The following RBM48 variants were observed in gnomAD, a reference collection of about 807,000 sequenced individuals.
The protein encoded by RBM48 is RNA binding motif protein 48.
Under a neutral mutation model 34.8 loss-of-function variants are expected in RBM48, and 32 were observed. The ratio of observed to expected loss-of-function variants is 0.92; its 90% CI spans 0.69 to 1.23. The LOEUF (loss-of-function observed/expected upper bound fraction) is 1.23. Ranked by LOEUF, RBM48 falls within the 50% of genes most tolerant of loss-of-function variation. The pLI, the probability that RBM48 is intolerant of heterozygous loss-of-function variation, is 0.00. For missense variants in RBM48, 441 were observed against 447.2 expected, an observed-to-expected ratio of 0.99 and a Z score of 0.12; for synonymous variants, 151 against 156.2, an observed-to-expected ratio of 0.97 and a Z score of 0.25.
chr7:92,536,798 A>T (rs1018506511), intron 4 of RBM48, 53 bp from the exon 5 acceptor site: 10 of 1,513,264 alleles, frequency 6.6e-6, no homozygotes, highest in Non-Finnish European at 8.8e-6. Flanking sequence ...TAGCTTATTT[A>T]CTCCTGTGCT....
In RBM48 at chr7:92,536,962, T is replaced by C. The variant is rs1793731785; in HGVS notation, c.*25T>C. ...GAGTGCCAGCAGCAACTTAGTATTT[T>C]CTAAAAAGAACATTTATTATTTATT... On this transcript the variant is annotated 3_prime_UTR_variant, in exon 5 of 5. Coordinates refer to ENST00000265732, the MANE Select transcript of RBM48 (RefSeq NM_032120.4). The C allele has an allele frequency of 2.7e-6, 4 of 1,471,794 alleles. No homozygotes were observed. Among genetic ancestry groups the C allele is most frequent in the Non-Finnish European group, 3.7e-6 (4 of 1,088,106 alleles). 91.2% of individuals were successfully genotyped at this position (1,471,794 alleles called of 1,614,324 possible). A position where few individuals can be genotyped will look rare whatever the true frequency, so the allele number is the denominator to read the frequency against.
rs1031642178 is a variant in RBM48 at position 92,538,323 on chromosome 7, T to C, written c.*1386T>C. Among the ~76,000 whole-genome samples, 1 of 152,158 alleles carries C rather than the reference T, an allele frequency of 6.6e-6. No homozygotes were observed. The highest frequency in any genetic ancestry group is 2.4e-5 in the African/African-American group (1 of 41,444). On this transcript the variant is annotated 3_prime_UTR_variant, in exon 5 of 5. Transcript: ENST00000265732. ...GAGCAAGTGATCTATAGGCAACACA[T>C]GGTTAGAGTTGGGGGGTTAATCTTT... is the stretch of plus-strand genomic sequence containing the variant.
chr7:92,531,396 G>A (rs1391555588), intron 2 of RBM48, among the ~76,000 whole-genome samples: 2 of 152,162 alleles, frequency 1.3e-5, no homozygotes, highest in Admixed American at 6.5e-5. Context: ...AGTATGCAGT[G>A]CCTTATCTAT....
chr7:92,532,221 T>C (rs1793591812), intron 2 of RBM48, among the ~76,000 whole-genome samples, 183 bp from the exon 3 acceptor site: 1 of 152,202 alleles, frequency 6.6e-6, no homozygotes, highest in Non-Finnish European at 1.5e-5. Context: ...TACGAGTACA[T>C]ACTCGATCAA....
intron 2 of RBM48, among the ~76,000 whole-genome samples, chr7:92,532,042 A>G (rs779505679): frequency 1.3e-5 from 2 of 152,182 alleles, no homozygotes; most frequent in African/African-American, 2.4e-5. Flanking sequence ...CATCACAGAA[A>G]TACATAGTGC....
At position 92,538,997 on chromosome 7, in the gene RBM48, GCAAAA is replaced by G. The variant is rs1376534472; in HGVS notation, c.*2071_*2075del. ...AAAGAAACCTTTGTGGTGTCAAGCA[GCAAAA>G]CAAAACAAAAAGATTCAAATTAAGT... On this transcript the variant is annotated 3_prime_UTR_variant, in exon 5 of 5. Transcript: ENST00000265732. Among the ~76,000 whole-genome samples, 1 of 152,288 alleles carries G rather than the reference GCAAAA, an allele frequency of 6.6e-6. No homozygotes were observed. The highest frequency in any genetic ancestry group is 2.4e-5 in the African/African-American group (1 of 41,556).
rs1267513362 is a variant in RBM48 at position 92,538,165 on chromosome 7, G to C, written c.*1228G>C. 1.3e-5 allele frequency among the ~76,000 whole-genome samples: 2 copies of C among 152,204 alleles called. No individual in the cohort carries two copies. The highest frequency in any genetic ancestry group is 6.5e-5 in the Admixed American group (1 of 15,282). ...CCCCGCAGACACCAGGTTATAGAAAGAAGAGGCTTTATTCGGCCAGGAGCG... is the reference window on the plus strand; with the variant it reads ...CCCCGCAGACACCAGGTTATAGAAACAAGAGGCTTTATTCGGCCAGGAGCG... On this transcript the variant is annotated 3_prime_UTR_variant, in exon 5 of 5. Coordinates refer to ENST00000265732, the MANE Select transcript of RBM48 (RefSeq NM_032120.4).
At chr7:92,529,963 G>C (rs1225865473) in intron 2 of RBM48, among the ~76,000 whole-genome samples, 5 of 151,974 alleles carry the variant, frequency 3.3e-5, no homozygotes, top group Admixed American at 6.6e-5. Context: ...CGGATCACGA[G>C]GTCAGGAGTT....
chr7:92,529,138 GTT>G, intron 1 of RBM48: 1 of 599,784 alleles, frequency 1.7e-6, no homozygotes, highest in Non-Finnish European at 3.0e-6. Context: ...ATAGGCCTTG[GTT>G]TTAGTCATTG....
intron 1 of RBM48, 127 bp downstream of exon 1, chr7:92,529,051 C>A: frequency 1.4e-6 from 1 of 733,738 alleles, no homozygotes; most frequent in Non-Finnish European, 2.4e-6. Context: ...TTAGAGCTGG[C>A]GTGAAGAACC....
intron 3 of RBM48, among the ~76,000 whole-genome samples, chr7:92,533,979 A>C (rs930186389): frequency 1.3e-5 from 2 of 151,954 alleles, no homozygotes; most frequent in African/African-American, 2.4e-5. Flanking sequence ...AAAAAAAAAA[A>C]AAAAAAAAAA....
At chr7:92,534,274 A>C in intron 3 of RBM48, 128 bp from the exon 4 acceptor site, 1 of 1,335,450 alleles carries the variant, frequency 7.5e-7, no homozygotes, top group Non-Finnish European at 1.0e-6. Context: ...TTCTCAAGAA[A>C]TGATTTTTTT....
Position 92,540,005 on chromosome 7 carries a change from A to G in RBM48, c.*3068A>G, listed in dbSNP as rs377355348. Among the ~76,000 whole-genome samples, 163 of 152,336 alleles carry G rather than the reference A, an allele frequency of 1.1e-3. No individual in the cohort carries two copies. Among genetic ancestry groups the G allele is most frequent in the African/African-American group, 3.7e-3 (153 of 41,586 alleles). On this transcript the variant is annotated 3_prime_UTR_variant, in exon 5 of 5. Transcript: ENST00000265732. ...AATATACCCTGGATTTGGTTTGGGA[A>G]ATACACCATACTTACAGGAAACAGG...
chr7:92,536,622 ATTTTTTT>A, intron 4 of RBM48: 1 of 1,148,138 alleles, frequency 8.7e-7, no homozygotes, highest in African/African-American at 1.6e-5. Context: ...CTTCCTCCAA[ATTTTTTT>A]TCTTTTTAAA....
In RBM48 at chr7:92,529,508, A is replaced by G; in HGVS notation, c.144A>G (p.Leu48=). 1 of 1,607,982 alleles carries G rather than the reference A, an allele frequency of 6.2e-7. No individual in the cohort carries two copies. The highest frequency in any genetic ancestry group is 8.5e-7 in the Non-Finnish European group (1 of 1,176,388). The change falls in exon 2 of 5, where the codon TTA becomes TTG. Residue 48 remains leucine (L), a synonymous_variant. Coordinates refer to ENST00000265732, the MANE Select transcript of RBM48 (RefSeq NM_032120.4). ...VYTINLESQY[L]LIQGVPAVGV... is the part of the protein sequence containing the mutation. ...CAATCAATTTGGAATCTCAGTACTTATTAATACAAGGAGTTCCTGCTGTGG... is the reference window on the plus strand; with the variant it reads ...CAATCAATTTGGAATCTCAGTACTTGTTAATACAAGGAGTTCCTGCTGTGG...
At position 92,536,832 on chromosome 7, in the gene RBM48, CTTTT is replaced by C. The variant is rs377641940; in HGVS notation, c.1018-10_1018-7del. 4 of 1,155,386 alleles carry C rather than the reference CTTTT, an allele frequency of 3.5e-6. No individual in the cohort carries two copies. The African/African-American group carries it at 6.5e-5, about 19-fold the overall frequency. The allele number at this position is 1,155,386 out of a possible 1,614,324, so 71.6% of individuals were successfully genotyped here. On this transcript the variant is annotated splice_polypyrimidine_tract_variant and intron_variant, in intron 4 of 4. Coordinates refer to ENST00000265732, the MANE Select transcript of RBM48 (RefSeq NM_032120.4). ...CTATAGAAACTAAGTTTTAATGGTT[CTTTT>C]TTTTTTTTAATTAGGTAATTTCATC... is the stretch of plus-strand genomic sequence containing the variant.
chr7:92,535,127 T>C (rs1338677134), intron 4 of RBM48, 157 bp downstream of exon 4: 4 of 1,451,858 alleles, frequency 2.8e-6, no homozygotes, highest in Non-Finnish European at 3.6e-6. Context: ...TGAATTTGGC[T>C]AACATTTTAT....
Position 92,537,175 on chromosome 7 carries a change from C to T in RBM48, c.*238C>T, listed in dbSNP as rs960435629. 7 of 263,624 alleles carry T rather than the reference C, an allele frequency of 2.7e-5. No homozygotes were observed. Among genetic ancestry groups the T allele is most frequent in the East Asian group, 2.1e-4 (2 of 9,732 alleles). The allele number at this position is 263,624 out of a possible 1,614,324, so 16.3% of individuals were successfully genotyped here. ...TCGGCTCACTGCAACCTCCACCTCC[C>T]GGGTTCAAGCGATTCTCCTGCCTCA... On this transcript the variant is annotated 3_prime_UTR_variant, in exon 5 of 5. Coordinates refer to ENST00000265732, the MANE Select transcript of RBM48 (RefSeq NM_032120.4).
In RBM48 at chr7:92,534,681, CT is replaced by C. The variant is rs770281416; in HGVS notation, c.731del (p.Leu244CysfsTer6). 1.9e-6 allele frequency: 3 copies of C among 1,614,174 alleles called. No homozygotes were observed. Among genetic ancestry groups the C allele is most frequent in the Non-Finnish European group, 2.5e-6 (3 of 1,180,038 alleles). ...KTMGHYNHND[S>X]LRKTQINSLK... ...ATGGGGCATTATAACCACAATGACT[CT>C]TTGCGGAAAACACAGATAAACTCTT... On this transcript the variant is annotated frameshift_variant, in exon 4 of 5. Coordinates refer to ENST00000265732, the MANE Select transcript of RBM48 (RefSeq NM_032120.4). LOFTEE classifies it high-confidence loss of function.
Sources: allele counts gnomAD v4.1 joint callset (sites outside exome capture counted in the v4.1 genomes callset), GRCh38; gene constraint gnomAD v4.1.1; transcripts MANE v1.5; gene names NCBI Gene and HGNC (gene_info 2026-07-23, HGNC 2026-07-21).